The following VPS13B variants were observed in gnomAD, a reference collection of about 807,000 sequenced individuals.
VPS13B encodes vacuolar protein sorting 13 homolog B.
A neutral mutation model predicts 426.4 loss-of-function variants in VPS13B; 285 were observed. The ratio of observed to expected loss-of-function variants is 0.67; its 90% CI spans 0.61 to 0.74. VPS13B has a LOEUF of 0.74. Among genes scored for constraint, VPS13B ranks in the 30% least tolerant of loss-of-function variants. VPS13B has a pLI of 0.00. For missense variants in VPS13B, 4,537 were observed against 4,782.6 expected, an observed-to-expected ratio of 0.95 and a Z score of 1.51; for synonymous variants, 1,676 against 1,676.4, an observed-to-expected ratio of 1.00 and a Z score of 0.01.
intron 17 of VPS13B, 132 bp downstream of exon 17, chr8:99,193,189 A>G (rs536451782): frequency 2.2e-6 from 2 of 929,012 alleles, no homozygotes; most frequent in Non-Finnish European, 3.2e-6. Context: ...GTAGATATTT[A>G]TAGCTTATGT....
chr8:99,291,324 G>A (rs1819720996), intron 19 of VPS13B, among the ~76,000 whole-genome samples: 1 of 152,086 alleles, frequency 6.6e-6, no homozygotes, highest in South Asian at 2.1e-4. Flanking sequence ...AGAAGCAATA[G>A]ATGTAATAAT....
At chr8:99,682,914 T>C (rs1831214049) in intron 35 of VPS13B, among the ~76,000 whole-genome samples, 1 of 152,170 alleles carries the variant, frequency 6.6e-6, no homozygotes, top group South Asian at 2.1e-4. Context: ...GGTGCTCCAT[T>C]CTACTGAGAA....
chr8:99,461,670 A>T (rs1467582263), intron 23 of VPS13B, among the ~76,000 whole-genome samples: 2 of 152,100 alleles, frequency 1.3e-5, no homozygotes, highest in African/African-American at 4.8e-5. Context: ...ATTCCTAATA[A>T]AGAGCCTTTG....
chr8:99,135,180 A>G, intron 10 of VPS13B, 43 bp downstream of exon 10: 1 of 1,610,706 alleles, frequency 6.2e-7, no homozygotes, highest in Non-Finnish European at 8.5e-7. Context: ...GGATATAGGA[A>G]TAATTAAGTG....
intron 19 of VPS13B, among the ~76,000 whole-genome samples, chr8:99,358,418 C>G (rs1320797512): frequency 6.6e-6 from 1 of 152,058 alleles, no homozygotes; most frequent in Non-Finnish European, 1.5e-5. Context: ...ATAATATATT[C>G]ATTGAGTGTA....
At chr8:99,627,909 C>T (rs927703359) in intron 33 of VPS13B, among the ~76,000 whole-genome samples, 2 of 152,180 alleles carry the variant, frequency 1.3e-5, no homozygotes, top group Non-Finnish European at 2.9e-5. Flanking sequence ...TGTGCATCCC[C>T]TCTCTCCTAC....
At chr8:99,642,897 G>T (rs1456676287) in intron 34 of VPS13B, among the ~76,000 whole-genome samples, 3 of 152,002 alleles carry the variant, frequency 2.0e-5, no homozygotes, top group Admixed American at 6.6e-5. Flanking sequence ...GTTTGTTTTT[G>T]GTATTCTTTT....
intron 33 of VPS13B, among the ~76,000 whole-genome samples, chr8:99,604,724 T>C (rs2133863937): frequency 6.6e-6 from 1 of 152,112 alleles, no homozygotes; most frequent in South Asian, 2.1e-4. Context: ...TCTCCTGACC[T>C]AGTGATCCAC....
chr8:99,577,685 A>T (rs1444239006), intron 33 of VPS13B, 52 bp downstream of exon 33: 1 of 1,604,832 alleles, frequency 6.2e-7, no homozygotes, highest in East Asian at 2.2e-5. Context: ...CCAACTTTAC[A>T]TTCACAGTAG....
At chr8:99,527,488 T>C (rs1588464310) in intron 30 of VPS13B, among the ~76,000 whole-genome samples, 1 of 152,168 alleles carries the variant, frequency 6.6e-6, no homozygotes, top group African/African-American at 2.4e-5. Context: ...AGCTCCTGGA[T>C]AGGATGATCT....
intron 17 of VPS13B, among the ~76,000 whole-genome samples, chr8:99,195,713 A>G (rs1813878928): frequency 6.6e-6 from 1 of 152,228 alleles, no homozygotes; most frequent in Non-Finnish European, 1.5e-5. Context: ...TTAAGTCTTT[A>G]ATCCCTTCTG....
At chr8:99,842,615 A>G (rs1588772186) in intron 54 of VPS13B, among the ~76,000 whole-genome samples, 1 of 152,128 alleles carries the variant, frequency 6.6e-6, no homozygotes, top group African/African-American at 2.4e-5. Context: ...ACCCGTCTCT[A>G]TTTTTTAAAA....
Position 99,098,002 on chromosome 8 carries a change from G to T in VPS13B, c.412+1570G>T, listed in dbSNP as rs78249864. Among the ~76,000 whole-genome samples the T allele has an allele frequency of 6.0e-4, 92 of 152,282 alleles. 1 individual carries two copies. Among genetic ancestry groups the T allele is most frequent in the African/African-American group, 1.9e-3 (79 of 41,568 alleles). On this transcript the variant is annotated intron_variant, in intron 4 of 61. Transcript: ENST00000357162. ...TACAGATATTAACAAAGACTTGGTT[G>T]AAAAGGAAGTCTTGAGAAATTTCAA...
In VPS13B at chr8:99,587,412, T is replaced by C. The variant is rs192852530; in HGVS notation, c.5220+9779T>C. Among the ~76,000 whole-genome samples, 45 of 151,850 alleles carry C rather than the reference T, an allele frequency of 3.0e-4. 2 individuals are homozygous for C. The highest frequency in any genetic ancestry group is 3.4e-3 in the Middle Eastern group (1 of 294). On this transcript the variant is annotated intron_variant, in intron 33 of 61. Transcript: ENST00000357162. ...GGAATCGCCACACTGTCTTCCACAA[T>C]GGTTCAACTAGTTTATACTCCCACC...
intron 33 of VPS13B, among the ~76,000 whole-genome samples, chr8:99,624,352 G>C (rs1828508847): frequency 6.6e-6 from 1 of 152,062 alleles, no homozygotes; most frequent in African/African-American, 2.4e-5. Context: ...AAAAATATTT[G>C]ATTTAGACTG....
chr8:99,615,174 C>T (rs1828031235), intron 33 of VPS13B, among the ~76,000 whole-genome samples: 1 of 149,376 alleles, frequency 6.7e-6, no homozygotes, highest in South Asian at 2.1e-4. Flanking sequence ...AGGAAGTTTT[C>T]ATGTCTTCTA....
intron 19 of VPS13B, among the ~76,000 whole-genome samples, chr8:99,322,126 C>T (rs1300652869): frequency 6.6e-6 from 1 of 152,074 alleles, no homozygotes; most frequent in Non-Finnish European, 1.5e-5. Flanking sequence ...TTGTTTGTGC[C>T]CTTGCTTTTG....
At chr8:99,828,050 T>C (rs1814798926) in intron 51 of VPS13B, among the ~76,000 whole-genome samples, 1 of 152,218 alleles carries the variant, frequency 6.6e-6, no homozygotes, top group Admixed American at 6.5e-5. Flanking sequence ...ATGTATATTC[T>C]GTTGATTTGG....
chr8:99,523,598 C>A (rs1460830007), intron 30 of VPS13B, among the ~76,000 whole-genome samples: 1 of 152,204 alleles, frequency 6.6e-6, no homozygotes, highest in Non-Finnish European at 1.5e-5. Context: ...TCAGACAATT[C>A]TTCGGGATCT....
Sources: gnomAD v4.1 joint callset for allele counts (sites outside exome capture counted in the v4.1 genomes callset) on GRCh38, gnomAD v4.1.1 for gene constraint, MANE v1.5 for transcripts, NCBI Gene and HGNC (gene_info 2026-07-23, HGNC 2026-07-21) for gene names.